The following LRP1B variants were observed in gnomAD, a reference collection of about 807,000 sequenced individuals.
LRP1B encodes low-density lipoprotein receptor-related protein 1B.
LRP1B carries 217 observed loss-of-function variants against 556.6 expected under a neutral mutation model. The observed-to-expected ratio is 0.39, with a 90% CI of 0.35 to 0.44. The LOEUF is 0.44. LRP1B is among the 20% of genes least tolerant of loss of function. The probability of loss-of-function intolerance (pLI) is 1.00; values close to 1 mark genes in which losing one functional copy is unlikely to be tolerated. For missense variants in LRP1B, 5,053 were observed against 5,620.8 expected (o/e 0.90, Z 3.23); for synonymous variants, 2,047 against 1,865.8 (o/e 1.10, Z -2.50).
chr2:141,047,018 G>A (rs1698891150), intron 11 of LRP1B, among the ~76,000 whole-genome samples: 1 of 26,540 alleles, frequency 3.8e-5, no homozygotes. Flanking sequence ...GGAGGCGGAG[G>A]TTGCAGTGAG....
At chr2:140,335,425 A>C (rs1425363792) in intron 78 of LRP1B, among the ~76,000 whole-genome samples, 190 bp downstream of exon 78, 1 of 151,990 alleles carries the variant, frequency 6.6e-6, no homozygotes, top group Non-Finnish European at 1.5e-5. Flanking sequence ...ATATTTCAGA[A>C]AAAAAATTTG....
chr2:141,172,755 C>T (rs1239616404), intron 7 of LRP1B, among the ~76,000 whole-genome samples: 1 of 151,798 alleles, frequency 6.6e-6, no homozygotes, highest in Non-Finnish European at 1.5e-5. Flanking sequence ...CATTATAAAA[C>T]CAGGAATGAC....
intron 2 of LRP1B, among the ~76,000 whole-genome samples, chr2:141,612,246 T>G (rs1688133312): frequency 6.6e-6 from 1 of 152,186 alleles, no homozygotes; most frequent in Admixed American, 6.5e-5. Flanking sequence ...GAAAACTCAG[T>G]GTTCAAGTAA....
At chr2:140,498,227 C>T (rs112981383) in intron 55 of LRP1B, among the ~76,000 whole-genome samples, 8,254 of 151,826 alleles carry the variant, frequency 0.054, 279 homozygotes, top group African/African-American at 0.073. Context: ...TATTTAGAAT[C>T]TTCTTGAGTT....
intron 1 of LRP1B, among the ~76,000 whole-genome samples, chr2:141,994,163 G>T (rs1409684204): frequency 1.3e-5 from 2 of 152,090 alleles, no homozygotes; most frequent in Non-Finnish European, 2.9e-5. Flanking sequence ...GATCACTTTT[G>T]TCTGTTCTCC....
intron 2 of LRP1B, among the ~76,000 whole-genome samples, chr2:141,731,305 C>G (rs928764402): frequency 5.3e-5 from 8 of 152,132 alleles, no homozygotes; most frequent in South Asian, 2.1e-4. Flanking sequence ...TTTGAAAATG[C>G]CTTCAGAAGG....
chr2:140,775,562 T>C (rs1002766766), intron 33 of LRP1B, among the ~76,000 whole-genome samples: 2 of 150,566 alleles, frequency 1.3e-5, no homozygotes, highest in Admixed American at 6.7e-5. Context: ...TGTGGGGCTG[T>C]ACTGGCTGCC....
chr2:140,774,815 T>C (rs536122748), intron 33 of LRP1B, among the ~76,000 whole-genome samples: 3 of 152,308 alleles, frequency 2.0e-5, no homozygotes, highest in African/African-American at 7.2e-5. Context: ...CATTACTGAA[T>C]TGCTAGTGAA....
At chr2:141,407,312 G>C (rs191856527) in intron 3 of LRP1B, among the ~76,000 whole-genome samples, 3 of 152,056 alleles carry the variant, frequency 2.0e-5, no homozygotes, top group Non-Finnish European at 4.4e-5. Context: ...CATGGAAAAT[G>C]TTTCTTGCCT....
chr2:141,885,577 T>C lies in LRP1B; in HGVS notation c.83-75176A>G, dbSNP rs555163435. On this transcript the variant is annotated intron_variant, in intron 1 of 90. Transcript: ENST00000389484. ...TGGTGCACTTTTGGCAGAGAAAGTA[T>C]TGCCAGTAAATGAGAGTGTCTAAGG... Among the ~76,000 whole-genome samples, 6 of 152,284 alleles carry C rather than the reference T, an allele frequency of 3.9e-5. No homozygotes were observed. In the South Asian group the frequency reaches 1.0e-3, roughly 26 times the overall value.
At chr2:140,977,134 C>A (rs1264719767) in intron 18 of LRP1B, among the ~76,000 whole-genome samples, 1 of 152,138 alleles carries the variant, frequency 6.6e-6, no homozygotes, top group Non-Finnish European at 1.5e-5. Context: ...CAAGTCACAT[C>A]TTGAATTCCC....
chr2:140,921,630 C>T (rs1179106384), intron 21 of LRP1B, among the ~76,000 whole-genome samples: 8 of 151,748 alleles, frequency 5.3e-5, no homozygotes, highest in African/African-American at 1.7e-4. Context: ...AACAAATAAC[C>T]CTAAAATTAT....
chr2:141,206,018 A>G (rs1260639146), intron 6 of LRP1B, among the ~76,000 whole-genome samples: 1 of 152,086 alleles, frequency 6.6e-6, no homozygotes, highest in African/African-American at 2.4e-5. Flanking sequence ...GGCACCTTGG[A>G]GAAAATATGG....
intron 53 of LRP1B, among the ~76,000 whole-genome samples, chr2:140,505,812 C>A (rs1161520273): frequency 6.6e-6 from 1 of 152,158 alleles, no homozygotes; most frequent in East Asian, 1.9e-4. Context: ...CTGTTGCCTT[C>A]TATGAGCATA....
At chr2:140,735,427 C>T (rs147300135) in intron 35 of LRP1B, among the ~76,000 whole-genome samples, 160 of 152,262 alleles carry the variant, frequency 1.1e-3, no homozygotes, top group African/African-American at 3.6e-3. Flanking sequence ...AGGCTCATAA[C>T]TCCCATGGTA....
At chr2:141,473,926 A>G (rs941202301) in intron 3 of LRP1B, among the ~76,000 whole-genome samples, 1 of 119,328 alleles carries the variant, frequency 8.4e-6, no homozygotes, top group Non-Finnish European at 1.9e-5. Context: ...GGCTATGACA[A>G]GATTAATTAA....
intron 31 of LRP1B, among the ~76,000 whole-genome samples, chr2:140,820,180 A>T (rs1460123059): frequency 3.3e-5 from 5 of 152,084 alleles, no homozygotes; most frequent in Non-Finnish European, 2.9e-5. Flanking sequence ...AGGCTTTGCC[A>T]CATTGGCCAG....
At chr2:140,413,870 A>G (rs1685066834) in intron 66 of LRP1B, among the ~76,000 whole-genome samples, 1 of 152,034 alleles carries the variant, frequency 6.6e-6, no homozygotes, top group African/African-American at 2.4e-5. Context: ...TTTTTATTTT[A>G]CTCTCTTAAA....
At chr2:141,829,627 C>T (rs1406228834) in intron 1 of LRP1B, among the ~76,000 whole-genome samples, 1 of 151,932 alleles carries the variant, frequency 6.6e-6, no homozygotes, top group African/African-American at 2.4e-5. Context: ...TTTCTGGACT[C>T]TAAAACAAGA....
Sources: allele counts gnomAD v4.1 joint callset (sites outside exome capture counted in the v4.1 genomes callset), GRCh38; gene constraint gnomAD v4.1.1; transcripts MANE v1.5; gene names NCBI Gene and HGNC (gene_info 2026-07-23, HGNC 2026-07-21).